The following NRG3 variants were observed in gnomAD, a reference collection of about 807,000 sequenced individuals.
NRG3 encodes neuregulin 3, also known as pro-neuregulin-3, membrane-bound isoform.
A neutral mutation model predicts 66.9 loss-of-function variants in NRG3; 31 were observed. That is an observed-to-expected ratio of 0.46 (90% CI 0.35 to 0.63). The LOEUF (loss-of-function observed/expected upper bound fraction) is 0.63, where lower values mean the gene tolerates loss of function less well. Ranked by LOEUF, NRG3 falls within the 20% of genes least tolerant of loss-of-function variation. The probability of loss-of-function intolerance (pLI) is 0.00; values close to 1 mark genes in which losing one functional copy is unlikely to be tolerated. For missense variants in NRG3, 910 were observed against 878.9 expected, an observed-to-expected ratio of 1.04 and a Z score of -0.45; for synonymous variants, 393 against 359.4, an observed-to-expected ratio of 1.09 and a Z score of -1.06.
chr10:81,956,408 C>G (rs1849834675), intron 1 of NRG3, among the ~76,000 whole-genome samples: 1 of 152,178 alleles, frequency 6.6e-6, no homozygotes. Context: ...ATTCCTACCT[C>G]TAGCTTTTGA....
chr10:82,961,063 A>G (rs1850590041), intron 6 of NRG3, among the ~76,000 whole-genome samples: 1 of 152,244 alleles, frequency 6.6e-6, no homozygotes, highest in African/African-American at 2.4e-5. Context: ...CATTCAGTGG[A>G]TTTGCAGAAT....
chr10:82,235,356 C>A (rs1386860101), intron 1 of NRG3, among the ~76,000 whole-genome samples: 1 of 152,158 alleles, frequency 6.6e-6, no homozygotes, highest in African/African-American at 2.4e-5. Context: ...AGAGTATGAA[C>A]TTCTTTATTC....
intron 2 of NRG3, among the ~76,000 whole-genome samples, chr10:82,543,963 A>T (rs2043725980): frequency 1.3e-5 from 2 of 152,218 alleles, no homozygotes; most frequent in Admixed American, 1.3e-4. Flanking sequence ...AAGGGAGTCC[A>T]TAAATTTCAG....
At chr10:82,236,348 C>T (rs983341272) in intron 1 of NRG3, among the ~76,000 whole-genome samples, 2 of 152,156 alleles carry the variant, frequency 1.3e-5, no homozygotes, top group African/African-American at 4.8e-5. Context: ...CTGCGACTTC[C>T]ACTCCAAAAT....
chr10:82,427,116 A>C (rs541261853), intron 2 of NRG3, among the ~76,000 whole-genome samples: 4 of 152,268 alleles, frequency 2.6e-5, no homozygotes, highest in Admixed American at 6.5e-5. Flanking sequence ...TATTTTTGCA[A>C]GATAATATCA....
At chr10:82,877,470 C>T (rs181004163) in intron 4 of NRG3, among the ~76,000 whole-genome samples, 21 of 149,438 alleles carry the variant, frequency 1.4e-4, no homozygotes, top group African/African-American at 4.7e-4. Flanking sequence ...ACCTCTGCCT[C>T]CCAGGTTCAA....
chr10:82,028,131 C>T (rs1348130530), intron 1 of NRG3, among the ~76,000 whole-genome samples: 3 of 152,022 alleles, frequency 2.0e-5, no homozygotes, highest in African/African-American at 7.2e-5. Flanking sequence ...GAAGTACTAC[C>T]TCTTCCTGCT....
chr10:82,021,615 A>G (rs2062062743), intron 1 of NRG3, among the ~76,000 whole-genome samples: 1 of 152,118 alleles, frequency 6.6e-6, no homozygotes, highest in South Asian at 2.1e-4. Flanking sequence ...CTCTGGAAGA[A>G]TAGAGAGTCT....
rs1339090118 is a variant in NRG3, at chr10:82,570,352, CT to C, written c.954-168222del. On this transcript the variant is annotated intron_variant, in intron 2 of 8. Coordinates refer to ENST00000372141, the MANE Select transcript of NRG3 (RefSeq NM_001010848.4). ...TCTCTACAATTTTGTCTTGCGAATACTTTCCATAGTTGTTATTTTTACTATT... is the reference window on the plus strand; with the variant it reads ...TCTCTACAATTTTGTCTTGCGAATACTTCCATAGTTGTTATTTTTACTATT... 2.0e-5 allele frequency among the ~76,000 whole-genome samples: 3 copies of C among 151,716 alleles called. No individual in the cohort carries two copies. In the East Asian group the frequency reaches 5.8e-4, roughly 29 times the overall value.
chr10:82,108,379 T>A (rs996078042), intron 1 of NRG3, among the ~76,000 whole-genome samples: 1 of 152,170 alleles, frequency 6.6e-6, no homozygotes, highest in African/African-American at 2.4e-5. Flanking sequence ...AGACCTCCAA[T>A]GTCCTAGATT....
chr10:82,147,908 A>G (rs781215360), intron 1 of NRG3, among the ~76,000 whole-genome samples: 2 of 152,202 alleles, frequency 1.3e-5, no homozygotes, highest in Non-Finnish European at 2.9e-5. Context: ...CTTTACCTAT[A>G]TTAATGATTG....
At chr10:82,130,950 C>T (rs1339728693) in intron 1 of NRG3, among the ~76,000 whole-genome samples, 1 of 152,056 alleles carries the variant, frequency 6.6e-6, no homozygotes, top group Non-Finnish European at 1.5e-5. Context: ...TAATCCCTTG[C>T]CACATGGATA....
intron 1 of NRG3, among the ~76,000 whole-genome samples, chr10:81,959,477 A>G (rs1300979219): frequency 2.0e-5 from 3 of 152,092 alleles, no homozygotes; most frequent in Admixed American, 6.5e-5. Context: ...AAAAAAATCT[A>G]TACTATATTT....
chr10:82,762,766 A>G (rs930839832), intron 3 of NRG3, among the ~76,000 whole-genome samples: 6 of 152,298 alleles, frequency 3.9e-5, no homozygotes, highest in African/African-American at 7.2e-5. Context: ...CAAGCTTTCC[A>G]TGTCAACTAG....
chr10:81,997,727 G>A (rs903291102), intron 1 of NRG3, among the ~76,000 whole-genome samples: 15 of 151,958 alleles, frequency 9.9e-5, no homozygotes, highest in African/African-American at 3.6e-4. Flanking sequence ...TGTCAGATAA[G>A]CGCAGCATAC....
chr10:82,526,666 T>C (rs1846737764), intron 2 of NRG3, among the ~76,000 whole-genome samples: 1 of 152,002 alleles, frequency 6.6e-6, no homozygotes, highest in South Asian at 2.1e-4. Flanking sequence ...TTTATAATCA[T>C]GAAGGTTTGA....
At chr10:82,411,136 G>A (rs2088050492) in intron 2 of NRG3, among the ~76,000 whole-genome samples, 2 of 151,996 alleles carry the variant, frequency 1.3e-5, no homozygotes, top group South Asian at 2.1e-4. Context: ...GGCTGGTCTC[G>A]AACTCCTGAC....
At chr10:82,757,112 G>C (rs190612185) in intron 3 of NRG3, among the ~76,000 whole-genome samples, 17 of 152,178 alleles carry the variant, frequency 1.1e-4, no homozygotes. Flanking sequence ...GTGATGCACA[G>C]GATTTGCTCT....
intron 2 of NRG3, among the ~76,000 whole-genome samples, chr10:82,608,502 A>G (rs372405482): frequency 2.0e-5 from 3 of 152,192 alleles, no homozygotes; most frequent in African/African-American, 7.2e-5. Flanking sequence ...ATTGTTTTAA[A>G]TATTTCCTTG....
Sources: allele counts gnomAD v4.1 joint callset (sites outside exome capture counted in the v4.1 genomes callset), GRCh38; gene constraint gnomAD v4.1.1; transcripts MANE v1.5; gene names NCBI Gene and HGNC (gene_info 2026-07-23, HGNC 2026-07-21).